The following CAMTA1 variants were observed in gnomAD, a reference collection of about 807,000 sequenced individuals.
CAMTA1 encodes calmodulin-binding transcription activator 1.
Under a neutral mutation model 170.9 loss-of-function variants are expected in CAMTA1, and 27 were observed. The observed-to-expected ratio is 0.16, with a 90% confidence interval of 0.12 to 0.22. The LOEUF (loss-of-function observed/expected upper bound fraction) is 0.22, where lower values mean the gene tolerates loss of function less well. Ranked by LOEUF, CAMTA1 falls within the 10% of genes least tolerant of loss-of-function variation. The pLI, the probability that CAMTA1 is intolerant of heterozygous loss-of-function variation, is 1.00. For synonymous variants in CAMTA1, 833 were observed against 891.5 expected (o/e 0.93, Z 1.17); for missense variants, 1,619 against 2,217.2 (o/e 0.73, Z 5.42).
intron 4 of CAMTA1, among the ~76,000 whole-genome samples, chr1:7,099,486 G>C (rs950593783): frequency 7.9e-5 from 12 of 152,182 alleles, no homozygotes; most frequent in African/African-American, 2.7e-4. Flanking sequence ...GCTGCTCTCT[G>C]GTCTTTTGGT....
At chr1:7,080,531 T>TTTA (rs892895624) in intron 3 of CAMTA1, among the ~76,000 whole-genome samples, 56 of 151,930 alleles carry the variant, frequency 3.7e-4, no homozygotes, top group Admixed American at 2.9e-3. Flanking sequence ...GCACTGTGGA[T>TTTA]TTATTATTAT....
At chr1:7,257,076 C>CGGGGGG (rs146110106) in intron 5 of CAMTA1, among the ~76,000 whole-genome samples, 7 of 135,086 alleles carry the variant, frequency 5.2e-5, no homozygotes, top group Non-Finnish European at 8.2e-5. Flanking sequence ...CATCGCATGG[C>CGGGGGG]GGGGGCGGGG....
At chr1:7,104,070 T>G (rs1201679493) in intron 4 of CAMTA1, among the ~76,000 whole-genome samples, 1 of 140,638 alleles carries the variant, frequency 7.1e-6, no homozygotes, top group East Asian at 2.1e-4. Flanking sequence ...ATGTACACAC[T>G]ACACAGATGT....
At chr1:7,614,412 A>G (rs115750605) in intron 6 of CAMTA1, among the ~76,000 whole-genome samples, 2,383 of 151,300 alleles carry the variant, frequency 0.016, 69 homozygotes, top group African/African-American at 0.056. Context: ...AGGAGAAGAG[A>G]TGAAGATTCA....
At chr1:7,392,332 C>T (rs140275932) in intron 5 of CAMTA1, among the ~76,000 whole-genome samples, 3,447 of 151,196 alleles carry the variant, frequency 0.023, 117 homozygotes, top group African/African-American at 0.079. Context: ...CTCAGCTCAC[C>T]GCAACCTCCA....
intron 4 of CAMTA1, among the ~76,000 whole-genome samples, chr1:7,132,026 C>T (rs1018442086): frequency 6.7e-6 from 1 of 149,422 alleles, no homozygotes; most frequent in Admixed American, 6.7e-5. Context: ...GTACTCCAGC[C>T]TGGGTGACAG....
intron 5 of CAMTA1, among the ~76,000 whole-genome samples, chr1:7,442,704 C>T (rs184028948): frequency 2.6e-5 from 4 of 152,278 alleles, no homozygotes; most frequent in South Asian, 2.1e-4. Flanking sequence ...TGGCAAAATG[C>T]GGATGCTGAT....
Position 6,861,458 on chromosome 1 carries a change from A to G in CAMTA1, c.234+36248A>G, listed in dbSNP as rs74051015. Among the ~76,000 whole-genome samples, 373 of 152,350 alleles carry G rather than the reference A, an allele frequency of 2.4e-3. 1 individual carries two copies. The highest frequency in any genetic ancestry group is 8.7e-3 in the African/African-American group (362 of 41,580). ...GCCATGACTTCTCACATCTTAGAAC[A>G]CATTAAAAATAAGAATATTTGTAGG... is the stretch of plus-strand genomic sequence containing the variant. On this transcript the variant is annotated intron_variant, in intron 3 of 22. Transcript: ENST00000303635.
intron 3 of CAMTA1, among the ~76,000 whole-genome samples, chr1:7,046,901 G>A (rs191573716): frequency 1.1e-4 from 16 of 152,284 alleles, no homozygotes; most frequent in South Asian, 2.1e-4. Context: ...AACTGCTGCC[G>A]GAGTAGACAT....
chr1:7,548,707 G>A (rs1367625332), intron 6 of CAMTA1, among the ~76,000 whole-genome samples: 1 of 104,970 alleles, frequency 9.5e-6, no homozygotes, highest in Non-Finnish European at 2.2e-5. Flanking sequence ...GGGTGGAGGT[G>A]CCCATGGAGG....
At chr1:6,815,755 G>A (rs997317999) in intron 1 of CAMTA1, among the ~76,000 whole-genome samples, 2 of 152,136 alleles carry the variant, frequency 1.3e-5, no homozygotes, top group Non-Finnish European at 2.9e-5. Flanking sequence ...GATACTCAAG[G>A]TGTGGCCATT....
At chr1:7,357,291 G>A (rs1030647157) in intron 5 of CAMTA1, among the ~76,000 whole-genome samples, 5 of 152,204 alleles carry the variant, frequency 3.3e-5, no homozygotes, top group African/African-American at 9.6e-5. Flanking sequence ...AAGAGCCCAG[G>A]ACCCAACCTC....
Position 6,887,967 on chromosome 1 carries a change from C to A in CAMTA1, c.234+62757C>A. 8.1e-7 allele frequency: 1 copy of A among 1,240,534 alleles called. No individual in the cohort carries two copies. Among genetic ancestry groups the A allele is most frequent in the African/African-American group, 1.5e-5 (1 of 65,408 alleles). The allele number at this position is 1,240,534 out of a possible 1,614,324, so 76.8% of individuals were successfully genotyped here. ...TGGAGAGCAGGGCTCTGTGCACACG[C>A]CTCCTGGTCCAGAGGCCTCCGTGAC... On this transcript the variant is annotated intron_variant, in intron 3 of 22. Transcript: ENST00000303635. The surrounding 1 kb of genome is among the most constrained non-coding windows in gnomAD (Gnocchi z 4.1).
intron 5 of CAMTA1, among the ~76,000 whole-genome samples, chr1:7,302,813 C>T (rs1415420519): frequency 1.1e-4 from 16 of 152,210 alleles, no homozygotes; most frequent in Non-Finnish European, 1.8e-4. Flanking sequence ...ATTCAATAAA[C>T]GTGGTTCACT....
chr1:6,786,916 C>G (rs188496906), intron 1 of CAMTA1, among the ~76,000 whole-genome samples: 161 of 152,284 alleles, frequency 1.1e-3, no homozygotes, highest in Middle Eastern at 6.8e-3. Context: ...CCACTTGACT[C>G]TTGTGTCTCA....
intron 5 of CAMTA1, among the ~76,000 whole-genome samples, chr1:7,301,005 C>T (rs920131794): frequency 2.5e-4 from 38 of 152,190 alleles, no homozygotes; most frequent in Admixed American, 2.3e-3. Context: ...ATCCTTTATG[C>T]AAGTCGGTAT....
At chr1:6,806,882 G>T in intron 1 of CAMTA1, 1 of 407,898 alleles carries the variant, frequency 2.5e-6, no homozygotes, top group Non-Finnish European at 4.4e-6. Context: ...AGATATTTTA[G>T]GACCTTGTAG....
chr1:7,323,579 G>A (rs998418717), intron 5 of CAMTA1, among the ~76,000 whole-genome samples: 1 of 143,106 alleles, frequency 7.0e-6, no homozygotes, highest in Admixed American at 7.2e-5. Flanking sequence ...CTGGAGTGTA[G>A]TGGCACGATC....
At chr1:7,100,566 T>G (rs907509011) in intron 4 of CAMTA1, among the ~76,000 whole-genome samples, 1 of 152,226 alleles carries the variant, frequency 6.6e-6, no homozygotes, top group Non-Finnish European at 1.5e-5. Context: ...AAAGTGCAGT[T>G]TGGAGGTTTC....
Sources: allele counts gnomAD v4.1 joint callset (sites outside exome capture counted in the v4.1 genomes callset), GRCh38; gene constraint gnomAD v4.1.1; non-coding constraint Gnocchi (gnomAD v3.1); transcripts MANE v1.5; gene names NCBI Gene and HGNC (gene_info 2026-07-23, HGNC 2026-07-21).